Variants in GMPPA observed in about 807,000 individuals in gnomAD.
GMPPA encodes mannose-1-phosphate guanylyltransferase regulatory subunit alpha.
A neutral mutation model predicts 58.6 loss-of-function variants in GMPPA; 46 were observed. That is an observed-to-expected ratio of 0.78 (90% CI 0.62 to 1.00). The LOEUF is 1.00. GMPPA is among the 50% of genes least tolerant of loss of function. The pLI, the probability that GMPPA is intolerant of heterozygous loss-of-function variation, is 0.00. For missense variants in GMPPA, 468 were observed against 556.4 expected, an observed-to-expected ratio of 0.84 and a Z score of 1.60; for synonymous variants, 211 against 214.9, an observed-to-expected ratio of 0.98 and a Z score of 0.16.
At chr2:219,503,201 T>C (rs4672930) in intron 6 of GMPPA, among the ~76,000 whole-genome samples, 142,133 of 151,550 alleles carry the variant, frequency 0.94, 67,348 homozygotes, top group East Asian at 1. Flanking sequence ...GGTGCGATCT[T>C]GGCTCACTGC....
chr2:219,504,979 T>C (rs1392652405), intron 7 of GMPPA: 18 of 920,684 alleles, frequency 2.0e-5, no homozygotes, highest in Non-Finnish European at 2.7e-5. Flanking sequence ...CTTATGGAAA[T>C]GGGGCAGGGA....
intron 1 of GMPPA, among the ~76,000 whole-genome samples, chr2:219,499,476 C>G (rs1282955789): frequency 6.6e-6 from 1 of 152,122 alleles, no homozygotes; most frequent in African/African-American, 2.4e-5. Context: ...GAATTTGAGG[C>G]TTCAGTATTT....
intron 10 of GMPPA, 24 bp downstream of exon 10, chr2:219,505,785 G>A (rs762393620): frequency 6.3e-7 from 1 of 1,575,870 alleles, no homozygotes; most frequent in Admixed American, 1.7e-5. Flanking sequence ...CCAGCCCCAG[G>A]GAGGGAAGGG....
chr2:219,501,219 TG>T (rs1219897114), intron 3 of GMPPA: 3 of 435,972 alleles, frequency 6.9e-6, no homozygotes, highest in South Asian at 5.4e-5. Context: ...GCCAAAATCA[TG>T]CCACTGCACT....
At chr2:219,503,215 C>G (rs1694461228) in intron 6 of GMPPA, among the ~76,000 whole-genome samples, 1 of 151,966 alleles carries the variant, frequency 6.6e-6, no homozygotes, top group South Asian at 2.1e-4. Context: ...TCACTGCAGC[C>G]TCTGCCTCCT....
At chr2:219,506,642 C>G (rs1226666590) in intron 12 of GMPPA, 56 bp from the exon 13 acceptor site, 2 of 1,109,814 alleles carry the variant, frequency 1.8e-6, no homozygotes, top group Admixed American at 1.8e-5. Context: ...GCCCCCAGCT[C>G]CCTGCCCCTG....
Position 219,502,430 on chromosome 2 carries a change from C to T in GMPPA, c.478C>T (p.Gln160Ter), listed in dbSNP as rs1234128016. The change falls in exon 6 of 13, where the codon CAG (glutamine) becomes TAG (stop). Residue 160 changes from glutamine to a stop codon, truncating the protein, a stop_gained. Transcript: ENST00000313597. LOFTEE classifies it high-confidence loss of function. The surrounding 1 kb of genome is among the most constrained non-coding windows in gnomAD (Gnocchi z 4.0). ...LNYGCIVENP[Q>*]THEVLHYVEK... ...CTACGGCTGCATCGTTGAGAATCCA[C>T]AGACACACGAGGTGAGAGCAGAGTG... is the stretch of plus-strand genomic sequence containing the variant. The T allele has an allele frequency of 6.2e-7, 1 of 1,613,726 alleles. No individual in the cohort carries two copies. The highest frequency in any genetic ancestry group is 1.7e-5 in the Admixed American group (1 of 60,010).
Position 219,506,734 on chromosome 2 carries a change from T to G in GMPPA, c.1199T>G (p.Leu400Arg), listed in dbSNP as rs765367771. 6.2e-7 allele frequency: 1 copy of G among 1,607,606 alleles called. No individual in the cohort carries two copies. Among genetic ancestry groups the G allele is most frequent in the Admixed American group, 1.7e-5 (1 of 60,000 alleles). ...CGGATCCCTGCCGAGGTGCTCATCC[T>G]GAACTCGATTGTTCTGCCACACAAG... ...RVRIPAEVLI[L>R]NSIVLPHKEL... The change falls in exon 13 of 13, where the codon CTG (leucine) becomes CGG (arginine). Residue 400 changes from leucine (L) to arginine (R), a missense_variant. Transcript: ENST00000313597.
chr2:219,503,982 C>T (rs936756896), intron 6 of GMPPA, 101 bp from the exon 7 acceptor site: 38 of 1,338,928 alleles, frequency 2.8e-5, no homozygotes, highest in Non-Finnish European at 3.7e-5. Flanking sequence ...GCCACCCTGG[C>T]AGCAGGGAGG....
rs1559449288 is a variant in GMPPA at position 219,506,348 on chromosome 2, A to G, written c.1088A>G (p.Asn363Ser). 2.5e-6 allele frequency: 4 copies of G among 1,613,782 alleles called. No homozygotes were observed. The highest frequency in any genetic ancestry group is 3.4e-6 in the Non-Finnish European group (4 of 1,179,992). Residue 363 changes from asparagine to serine, a missense_variant, in exon 12 of 13, where the codon AAC (asparagine) becomes AGC (serine). Transcript: ENST00000313597. ...VEGTPSDPNP[N>S]DPRARMDSES... Reference sequence around the variant, plus strand: ...GGTACCCCCAGTGACCCTAACCCCAACGATCCCCGAGCCCGCATGGACAGT... The same window carrying G: ...GGTACCCCCAGTGACCCTAACCCCAGCGATCCCCGAGCCCGCATGGACAGT...
chr2:219,505,400 G>C (rs762564864), intron 8 of GMPPA, 38 bp downstream of exon 8: 3 of 1,611,416 alleles, frequency 1.9e-6, no homozygotes, highest in Non-Finnish European at 2.5e-6. Flanking sequence ...TGAAATTTTG[G>C]GGTGGTGGGC....
chr2:219,500,963 T>C (rs1694368951), intron 3 of GMPPA: 1 of 156,022 alleles, frequency 6.4e-6, no homozygotes, highest in African/African-American at 2.4e-5. Flanking sequence ...CTCATGTCTG[T>C]AATCCCAACG....
chr2:219,502,288 A>C lies in GMPPA; in HGVS notation c.430-94A>C, dbSNP rs983545691. The C allele has an allele frequency of 6.0e-5, 67 of 1,117,444 alleles. No homozygotes were observed. The highest frequency in any genetic ancestry group is 3.6e-5 in the Admixed American group (2 of 55,654). 69.2% of individuals were successfully genotyped at this position (1,117,444 alleles called of 1,614,324 possible). A position where few individuals can be genotyped will look rare whatever the true frequency, so the allele number is the denominator to read the frequency against. ...GAAGGCCTGTCAGTGGCAGAGCTGC[A>C]TGCCAGGTGCTGTAGCGGAGGGAAA... is the stretch of plus-strand genomic sequence containing the variant. On this transcript the variant is annotated intron_variant, in intron 5 of 12. Coordinates refer to ENST00000313597, the MANE Select transcript of GMPPA (RefSeq NM_013335.4). This position sits in a 1 kb window ranked among gnomAD's most constrained non-coding sequence, Gnocchi z 4.0.
rs1183692520 is a variant in GMPPA, at chr2:219,506,122, GA to G, written c.993+51del. ...ATGTGACACCCCAAGAGGCTGCGGG[GA>G]GGGCCCAGGCATCCCCCCAAGAACA... On this transcript the variant is annotated intron_variant, in intron 11 of 12. Transcript: ENST00000313597. 3.4e-6 allele frequency: 5 copies of G among 1,470,698 alleles called. No homozygotes were observed. The African/African-American group carries it at 7.0e-5, about 21-fold the overall frequency. 91.1% of individuals were successfully genotyped at this position (1,470,698 alleles called of 1,614,324 possible).
intron 6 of GMPPA, among the ~76,000 whole-genome samples, chr2:219,503,762 G>A (rs1319794153): frequency 6.6e-6 from 1 of 152,198 alleles, no homozygotes; most frequent in Non-Finnish European, 1.5e-5. Flanking sequence ...GGAAAGGTGG[G>A]CTTTCCAGAT....
chr2:219,501,569 C>G lies in GMPPA; in HGVS notation c.232C>G (p.Leu78Val). ...FLEAAQQEFNLPVRYLQEFAP... is the reference protein window; with the variant it reads ...FLEAAQQEFNVPVRYLQEFAP... Reference sequence around the variant, plus strand: ...AGAAGCCGCCCAGCAGGAGTTTAACCTTCCAGTCAGGTGTTTGTGCACACA... The same window carrying G: ...AGAAGCCGCCCAGCAGGAGTTTAACGTTCCAGTCAGGTGTTTGTGCACACA... The change falls in exon 4 of 13, where the codon CTT (leucine) becomes GTT (valine). Residue 78 changes from leucine (L) to valine (V), a missense_variant. Coordinates refer to ENST00000313597, the MANE Select transcript of GMPPA (RefSeq NM_013335.4). 1 of 1,603,262 alleles carries G rather than the reference C, an allele frequency of 6.2e-7. No individual in the cohort carries two copies.
chr2:219,500,050 G>C, intron 2 of GMPPA, 35 bp downstream of exon 2: 1 of 1,610,254 alleles, frequency 6.2e-7, no homozygotes, highest in Non-Finnish European at 8.5e-7. Flanking sequence ...AGGAGGTTGG[G>C]CTGGAGTGGT....
Position 219,502,246 on chromosome 2 carries a change from C to T in GMPPA, c.430-136C>T. 1.1e-6 allele frequency: 1 copy of T among 876,778 alleles called. No individual in the cohort carries two copies. Among genetic ancestry groups the T allele is most frequent in the Non-Finnish European group, 1.8e-6 (1 of 541,242 alleles). 54.3% of individuals were successfully genotyped at this position (876,778 alleles called of 1,614,324 possible). On this transcript the variant is annotated intron_variant, in intron 5 of 12. Coordinates refer to ENST00000313597, the MANE Select transcript of GMPPA (RefSeq NM_013335.4). This position sits in a 1 kb window ranked among gnomAD's most constrained non-coding sequence, Gnocchi z 4.0. Reference sequence around the variant, plus strand: ...AAGTAGGGAGGGGGAGGGCAGCTGTCAGTTTCCACCCTTGCTGAAGGCCTG... The same window carrying T: ...AAGTAGGGAGGGGGAGGGCAGCTGTTAGTTTCCACCCTTGCTGAAGGCCTG...
rs759296812 is a variant in GMPPA, at chr2:219,506,361, C to A, written c.1101C>A (p.Ala367=). Reference sequence around the variant, plus strand: ...ACCCTAACCCCAACGATCCCCGAGCCCGCATGGACAGTGAGAGCCTCTTCA... The same window carrying A: ...ACCCTAACCCCAACGATCCCCGAGCACGCATGGACAGTGAGAGCCTCTTCA... ...PSDPNPNDPR[A]RMDSESLFKD... Residue 367 remains alanine (A), a synonymous_variant, in exon 12 of 13, where the codon GCC becomes GCA. Transcript: ENST00000313597. The A allele has an allele frequency of 1.2e-6, 2 of 1,613,792 alleles. No homozygotes were observed. The highest frequency in any genetic ancestry group is 2.7e-5 in the African/African-American group (2 of 74,960).
Sources: allele counts gnomAD v4.1 joint callset (sites outside exome capture counted in the v4.1 genomes callset), GRCh38; gene constraint gnomAD v4.1.1; non-coding constraint Gnocchi (gnomAD v3.1); transcripts MANE v1.5; gene names NCBI Gene and HGNC (gene_info 2026-07-23, HGNC 2026-07-21).